Variants in TENM1 observed in about 807,000 individuals in gnomAD.
The protein encoded by TENM1 is teneurin-1.
In TENM1, 35 loss-of-function variants were observed where a neutral mutation model predicts 174.8. That is an observed-to-expected ratio of 0.20 (90% CI 0.15 to 0.27). TENM1 has a LOEUF of 0.27. TENM1 is among the 10% of genes least tolerant of loss of function. TENM1 has a pLI of 1.00. For synonymous variants in TENM1, 781 were observed against 798.7 expected (o/e 0.98, Z 0.37); for missense variants, 1,633 against 2,130.1 (o/e 0.77, Z 4.59).
chrX:124,495,793 C>T (rs1343953087), intron 20 of TENM1, among the ~76,000 whole-genome samples: 11 of 101,752 alleles, frequency 1.1e-4, no homozygotes, highest in African/African-American at 4.2e-4. Flanking sequence ...GGCCATACTG[C>T]CCAAGGTAAT....
intron 15 of TENM1, among the ~76,000 whole-genome samples, chrX:124,539,265 C>T (rs750996348): frequency 1.8e-5 from 2 of 111,771 alleles, no homozygotes; most frequent in East Asian, 5.7e-4. Context: ...ATCTAATATA[C>T]AGATGAATGC....
chrX:124,406,804 C>T (rs192728541), intron 25 of TENM1, among the ~76,000 whole-genome samples: 135 of 111,129 alleles, frequency 1.2e-3, no homozygotes, highest in African/African-American at 4.1e-3. Flanking sequence ...GGGAGGCCTC[C>T]GTTTGCGATT....
At chrX:125,058,973 C>G in the TENM1 span, among the ~76,000 whole-genome samples, 4,265 of 101,504 alleles carry the variant, frequency 0.042, 232 homozygotes, top group African/African-American at 0.15. Context: ...AAGTTTAGAA[C>G]ATTTTCATCA....
At chrX:124,925,451 T>C (rs954728126) in intron 1 of TENM1, among the ~76,000 whole-genome samples, 1 of 112,265 alleles carries the variant, frequency 8.9e-6, no homozygotes, top group African/African-American at 3.2e-5. Context: ...TTACAGTTTA[T>C]ATGCATGCTT....
At chrX:125,075,530 C>A in the TENM1 span, among the ~76,000 whole-genome samples, 15 of 110,976 alleles carry the variant, frequency 1.4e-4, no homozygotes, top group Non-Finnish European at 2.6e-4. Context: ...ACCTTAAAAG[C>A]CACTCATTTA....
At chrX:124,597,553 T>C (rs6649260) in intron 11 of TENM1, among the ~76,000 whole-genome samples, 1 of 110,691 alleles carries the variant, frequency 9.0e-6, no homozygotes, top group East Asian at 2.9e-4. Context: ...GGATGGAAGA[T>C]GGGTGATAAA....
At chrX:125,196,397 T>C in the TENM1 span, among the ~76,000 whole-genome samples, 1 of 111,671 alleles carries the variant, frequency 9.0e-6, no homozygotes, top group Non-Finnish European at 1.9e-5. Context: ...TTTTCATAAA[T>C]ATTCATTTAA....
At chrX:124,486,089 T>C (rs2046947893) in intron 21 of TENM1, among the ~76,000 whole-genome samples, 1 of 111,975 alleles carries the variant, frequency 8.9e-6, no homozygotes, top group Non-Finnish European at 1.9e-5. Context: ...TTAGCTCTTT[T>C]GAGGCTGATT....
intron 6 of TENM1, among the ~76,000 whole-genome samples, chrX:124,660,732 G>A (rs1443536348): frequency 8.9e-6 from 1 of 111,938 alleles, no homozygotes; most frequent in East Asian, 2.8e-4. Flanking sequence ...ACAAGTGTAA[G>A]GATGTGGAGA....
intron 3 of TENM1, among the ~76,000 whole-genome samples, chrX:124,886,637 TATC>T (rs2057393801): frequency 9.8e-6 from 1 of 101,726 alleles, no homozygotes; most frequent in Admixed American, 1.1e-4. Context: ...ATGTAAATCT[TATC>T]ATATACACAC....
the TENM1 span, among the ~76,000 whole-genome samples, chrX:125,035,456 C>T: frequency 9.0e-6 from 1 of 111,686 alleles, no homozygotes; most frequent in Non-Finnish European, 1.9e-5. Context: ...TGTAATGTTG[C>T]TGACACCTAA....
At chrX:124,378,541 C>T (rs921444141) in exon 32 of TENM1, 9 of 111,600 alleles carry the variant, frequency 8.1e-5, no homozygotes, top group African/African-American at 2.9e-4. Context: ...AGGCCTGATT[C>T]AGAAAAAACC....
Position 124,622,584 on chromosome X carries a change from A to G in TENM1, c.2077+19207T>C, listed in dbSNP as rs578164542. On this transcript the variant is annotated intron_variant, in intron 11 of 31. Transcript: ENST00000422452. ...CCCTTGCCATATCAGGATGACTGACACTCTTAATTTGCAATTTCCTAAATT... is the reference window on the plus strand; with the variant it reads ...CCCTTGCCATATCAGGATGACTGACGCTCTTAATTTGCAATTTCCTAAATT... Among the ~76,000 whole-genome samples, 3 of 111,149 alleles carry G rather than the reference A, an allele frequency of 2.7e-5. No individual in the cohort carries two copies. In the East Asian group the frequency reaches 8.4e-4, roughly 31 times the overall value.
intron 29 of TENM1, among the ~76,000 whole-genome samples, chrX:124,385,280 A>G (rs930350910): frequency 8.9e-6 from 1 of 112,261 alleles, no homozygotes; most frequent in African/African-American, 3.2e-5. Flanking sequence ...GGTGAAATAC[A>G]TTAGAAAGTT....
chrX:124,814,204 C>T (rs1210505643), intron 3 of TENM1, among the ~76,000 whole-genome samples: 1 of 111,106 alleles, frequency 9.0e-6, no homozygotes, highest in African/African-American at 3.3e-5. Flanking sequence ...ACCCCAGTTT[C>T]ATCTGCACAA....
chrX:124,825,971 G>C (rs1394145218), intron 3 of TENM1, among the ~76,000 whole-genome samples: 1 of 112,192 alleles, frequency 8.9e-6, no homozygotes, highest in Non-Finnish European at 1.9e-5. Context: ...ATTTAGTTAA[G>C]TTTTTCTGTA....
the TENM1 span, among the ~76,000 whole-genome samples, chrX:125,022,022 G>T: frequency 8.9e-6 from 1 of 112,245 alleles, no homozygotes; most frequent in Admixed American, 9.4e-5. Flanking sequence ...AGTTTTAGAA[G>T]AATTTATGAC....
chrX:124,442,274 G>A (rs969267482), intron 23 of TENM1, among the ~76,000 whole-genome samples: 1 of 112,117 alleles, frequency 8.9e-6, no homozygotes, highest in Admixed American at 9.4e-5. Context: ...TTGGTGGCAA[G>A]AACTTTTAAA....
chrX:125,154,744 TG>T, the TENM1 span, among the ~76,000 whole-genome samples: 2 of 110,450 alleles, frequency 1.8e-5, no homozygotes, highest in South Asian at 4.0e-4. Flanking sequence ...TTCTTCCTTC[TG>T]GGTGGGTTCG....
Sources: allele counts gnomAD v4.1 joint callset (sites outside exome capture counted in the v4.1 genomes callset), GRCh38; gene constraint gnomAD v4.1.1; transcripts MANE v1.5; gene names NCBI Gene and HGNC (gene_info 2026-07-23, HGNC 2026-07-21).